SPTAN1: variants seen among roughly 807,000 people sequenced by gnomAD.
SPTAN1 encodes the protein spectrin alpha chain, non-erythrocytic 1.
SPTAN1 carries 61 observed loss-of-function variants against 331.3 expected under a neutral mutation model. That is an observed-to-expected ratio of 0.18 (90% CI 0.15 to 0.23). The LOEUF (loss-of-function observed/expected upper bound fraction) is 0.23, where lower values mean the gene tolerates loss of function less well. Among genes scored for constraint, SPTAN1 ranks in the 10% least tolerant of loss-of-function variants. The pLI is 1.00. For synonymous variants in SPTAN1, 1,153 were observed against 1,173.9 expected (o/e 0.98, Z 0.36); for missense variants, 2,043 against 3,147.9 (o/e 0.65, Z 8.40).
chr9:128,586,110 T>C, intron 19 of SPTAN1, 145 bp downstream of exon 19: 1 of 587,928 alleles, frequency 1.7e-6, no homozygotes, highest in Non-Finnish European at 2.9e-6. Context: ...ATTTTTCACT[T>C]GGTTTTTTTT....
rs1229408501 is a variant in SPTAN1, at chr9:128,584,408, G to A, written c.2320G>A (p.Val774Ile). ...CTATGAGGCACTCAAGGAGCCCATG[G>A]TTGCCCGGAAGCAGAAGCTGGCCGA... ...ARYEALKEPMVARKQKLADSL... is the reference protein window; with the variant it reads ...ARYEALKEPMIARKQKLADSL... The change falls in exon 17 of 57, where the codon GTT becomes ATT. Residue 774 changes from valine (V) to isoleucine (I), a missense_variant. Val to Ile is a conservative substitution (Grantham distance 29). Coordinates refer to ENST00000372739, the MANE Select transcript of SPTAN1 (RefSeq NM_001130438.3). 14 of 1,614,158 alleles carry A rather than the reference G, an allele frequency of 8.7e-6. No homozygotes were observed. Among genetic ancestry groups the A allele is most frequent in the Non-Finnish European group, 1.2e-5 (14 of 1,180,036 alleles).
In SPTAN1 at chr9:128,627,833, T is replaced by C; in HGVS notation, c.6690-92T>C. Reference sequence around the variant, plus strand: ...ACTGATGTTCTTGCTTTTGTTTTCCTTTCTTTCTTGTGTCTTCTCTCTGTC... The same window carrying C: ...ACTGATGTTCTTGCTTTTGTTTTCCCTTCTTTCTTGTGTCTTCTCTCTGTC... On this transcript the variant is annotated intron_variant, in intron 50 of 56. Coordinates refer to ENST00000372739, the MANE Select transcript of SPTAN1 (RefSeq NM_001130438.3). This position sits in a 1 kb window ranked among gnomAD's most constrained non-coding sequence, Gnocchi z 4.9. The C allele has an allele frequency of 2.7e-6, 4 of 1,503,660 alleles. No individual in the cohort carries two copies. The South Asian group carries it at 4.5e-5, about 17-fold the overall frequency. The allele number at this position is 1,503,660 out of a possible 1,614,324, so 93.1% of individuals were successfully genotyped here.
intron 28 of SPTAN1, among the ~76,000 whole-genome samples, 155 bp downstream of exon 28, chr9:128,603,745 A>G (rs1855469616): frequency 1.3e-5 from 2 of 152,218 alleles, no homozygotes; most frequent in Admixed American, 1.3e-4. Flanking sequence ...ACATCAGCAC[A>G]TTCATGGCCG....
intron 14 of SPTAN1, 85 bp downstream of exon 14, chr9:128,582,934 A>C (rs1852132935): frequency 1.3e-6 from 2 of 1,598,096 alleles, no homozygotes; most frequent in Admixed American, 3.3e-5. Flanking sequence ...TAAAGGACGA[A>C]ATAAGGGATT....
intron 1 of SPTAN1, among the ~76,000 whole-genome samples, chr9:128,561,431 A>T (rs1849331092): frequency 6.6e-6 from 1 of 151,198 alleles, no homozygotes; most frequent in Non-Finnish European, 1.5e-5. Context: ...TTGGAGGCCG[A>T]GGCAGGCAGA....
At chr9:128,603,667 C>T (rs1855457226) in intron 28 of SPTAN1, 77 bp downstream of exon 28, 1 of 1,554,430 alleles carries the variant, frequency 6.4e-7, no homozygotes, top group Admixed American at 1.7e-5. Context: ...CAGCAGAGCT[C>T]TTGTTCTTGT....
At chr9:128,622,608 G>A (rs1224413216) in intron 45 of SPTAN1, among the ~76,000 whole-genome samples, 1 of 151,774 alleles carries the variant, frequency 6.6e-6, no homozygotes, top group East Asian at 1.9e-4. Flanking sequence ...CAGCGAGCCG[G>A]CTGCTTTGTC....
chr9:128,632,025 A>G (rs1859831646), intron 52 of SPTAN1, 102 bp from the exon 53 acceptor site: 2 of 1,279,916 alleles, frequency 1.6e-6, no homozygotes, highest in Admixed American at 2.0e-5. Context: ...ACGAGGTCTC[A>G]GGCCAGGCCT....
chr9:128,603,303 T>G (rs1855417290), intron 27 of SPTAN1, among the ~76,000 whole-genome samples: 1 of 152,230 alleles, frequency 6.6e-6, no homozygotes, highest in Non-Finnish European at 1.5e-5. Flanking sequence ...TTTACCATTC[T>G]TTTTTCACTC....
intron 45 of SPTAN1, among the ~76,000 whole-genome samples, chr9:128,623,076 A>AT (rs1439906605): frequency 1.3e-5 from 2 of 148,970 alleles, no homozygotes; most frequent in East Asian, 4.0e-4. Flanking sequence ...ATTTTTTGAG[A>AT]TGGAGTCTTG....
chr9:128,626,350 A>C (rs751775065), intron 48 of SPTAN1, 41 bp from the exon 49 acceptor site: 12 of 1,609,374 alleles, frequency 7.5e-6, no homozygotes, highest in Admixed American at 1.7e-5. Flanking sequence ...CGGCACGTCC[A>C]GCCCTGGCGA....
In SPTAN1 at chr9:128,627,644, G is replaced by A. The variant is rs781014486; in HGVS notation, c.6689+146G>A. 2.2e-6 allele frequency: 2 copies of A among 890,178 alleles called. No individual in the cohort carries two copies. Among genetic ancestry groups the A allele is most frequent in the Admixed American group, 2.0e-5 (1 of 50,012 alleles). 55.1% of individuals were successfully genotyped at this position (890,178 alleles called of 1,614,324 possible). On this transcript the variant is annotated intron_variant, in intron 50 of 56. Transcript: ENST00000372739. The surrounding 1 kb of genome is among the most constrained non-coding windows in gnomAD (Gnocchi z 4.9). ...AAGCTGGGCTGGCAACGCCTGGTCG[G>A]GCTCTGGAGCCGGGAGTGGGGGCAT...
intron 24 of SPTAN1, among the ~76,000 whole-genome samples, chr9:128,595,036 C>T (rs1450590869): frequency 6.6e-6 from 1 of 151,806 alleles, no homozygotes; most frequent in Non-Finnish European, 1.5e-5. Context: ...TCTCAAACTG[C>T]TGACCTCAGG....
intron 45 of SPTAN1, 62 bp from the exon 46 acceptor site, chr9:128,624,266 G>C: frequency 6.2e-7 from 1 of 1,606,774 alleles, no homozygotes; most frequent in Non-Finnish European, 8.5e-7. Flanking sequence ...TTCCAGGGAG[G>C]GCATAGTCAG....
chr9:128,583,986 GC>G lies in SPTAN1; in HGVS notation c.2193+18del. On this transcript the variant is annotated intron_variant, in intron 16 of 56. Transcript: ENST00000372739. ...GCTCACCAGGTAGTGTGAACTGGGG[GC>G]TGTGGTTGGGCAAGTGAATGCAGAA... 5 of 1,614,130 alleles carry G rather than the reference GC, an allele frequency of 3.1e-6. No homozygotes were observed. The highest frequency in any genetic ancestry group is 4.2e-6 in the Non-Finnish European group (5 of 1,180,022).
At chr9:128,600,022 A>G in intron 26 of SPTAN1, 58 bp from the exon 27 acceptor site, 1 of 1,580,908 alleles carries the variant, frequency 6.3e-7, no homozygotes, top group South Asian at 1.1e-5. Context: ...TGGAAAGGCC[A>G]GGTGCTTTGT....
At chr9:128,630,923 G>A (rs1207798964) in intron 52 of SPTAN1, among the ~76,000 whole-genome samples, 1 of 152,064 alleles carries the variant, frequency 6.6e-6, no homozygotes, top group Non-Finnish European at 1.5e-5. Context: ...CAGGCAGGCT[G>A]GTCTCGAACT....
Position 128,617,483 on chromosome 9 carries a change from C to G in SPTAN1, c.5358-157C>G, listed in dbSNP as rs118162559. 7.9e-3 allele frequency among the ~76,000 whole-genome samples: 1,202 copies of G among 152,210 alleles called. 9 individuals are homozygous for G. The highest frequency in any genetic ancestry group is 0.02 in the Middle Eastern group (6 of 294). ...TGGACAGAGGTTCTTGGTCCCTACT[C>G]ATTTGGGAAGTAGAGGCTTTTGTTG... On this transcript the variant is annotated intron_variant, in intron 41 of 56. Coordinates refer to ENST00000372739, the MANE Select transcript of SPTAN1 (RefSeq NM_001130438.3).
chr9:128,615,941 G>T, intron 41 of SPTAN1, 101 bp downstream of exon 41: 2 of 1,305,718 alleles, frequency 1.5e-6, no homozygotes, highest in South Asian at 2.5e-5. Context: ...AACCCTGCTG[G>T]ACTGGGATCC....
Sources: allele counts gnomAD v4.1 joint callset (sites outside exome capture counted in the v4.1 genomes callset), GRCh38; gene constraint gnomAD v4.1.1; non-coding constraint Gnocchi (gnomAD v3.1); transcripts MANE v1.5; gene names NCBI Gene and HGNC (gene_info 2026-07-23, HGNC 2026-07-21).